Variants in FBXL7 observed in about 807,000 individuals in gnomAD.
FBXL7 encodes the protein F-box and leucine rich repeat protein 7, also known as F-box/LRR-repeat protein 7.
A neutral mutation model predicts 38.3 loss-of-function variants in FBXL7; 12 were observed. The observed-to-expected ratio is 0.31, with a 90% CI of 0.20 to 0.51. The LOEUF (loss-of-function observed/expected upper bound fraction) is 0.51. FBXL7 is among the 20% of genes least tolerant of loss of function. The pLI, the probability that FBXL7 is intolerant of heterozygous loss-of-function variation, is 0.98. For missense variants in FBXL7, 567 were observed against 676.4 expected (o/e 0.84, Z 1.79); for synonymous variants, 297 against 300.9 (o/e 0.99, Z 0.13).
chr5:15,517,386 C>T (rs1736972328), intron 1 of FBXL7, among the ~76,000 whole-genome samples: 1 of 152,134 alleles, frequency 6.6e-6, no homozygotes, highest in African/African-American at 2.4e-5. Flanking sequence ...CCAGCCTGGC[C>T]GTGGTGAGCT....
In FBXL7 at chr5:15,880,721, T is replaced by TTATATATA. The variant is rs3034531; in HGVS notation, c.128-47158_128-47151dup. On this transcript the variant is annotated intron_variant, in intron 2 of 3. Transcript: ENST00000504595. Reference sequence around the variant, plus strand: ...TAGTATATATAATATATATACTATATTATATATATATATATATAAAGTAAT... The same window carrying TTATATATA: ...TAGTATATATAATATATATACTATATTATATATATATATATATATATATATAAAGTAAT... Among the ~76,000 whole-genome samples the TTATATATA allele has an allele frequency of 4.7e-3, 679 of 143,338 alleles. 4 individuals are homozygous for TTATATATA. The highest frequency in any genetic ancestry group is 0.012 in the African/African-American group (468 of 39,318). The allele number at this position is 143,338 out of a possible 152,430, so 94.0% of individuals were successfully genotyped here.
chr5:15,896,586 A>G (rs1741109511), intron 2 of FBXL7, among the ~76,000 whole-genome samples: 1 of 152,110 alleles, frequency 6.6e-6, no homozygotes, highest in Admixed American at 6.5e-5. Flanking sequence ...CAGGCCTAGG[A>G]GAATAACTCC....
chr5:15,542,575 T>C (rs1737785991), intron 1 of FBXL7, among the ~76,000 whole-genome samples: 1 of 152,340 alleles, frequency 6.6e-6, no homozygotes, highest in Non-Finnish European at 1.5e-5. Context: ...CAAGTATAAC[T>C]GTCATTATTC....
At chr5:15,717,105 A>C (rs1482973906) in intron 2 of FBXL7, among the ~76,000 whole-genome samples, 3 of 152,216 alleles carry the variant, frequency 2.0e-5, no homozygotes, top group Non-Finnish European at 4.4e-5. Context: ...TATTATCTTC[A>C]AAGACTTACA....
rs1373460711 is a variant in FBXL7, at chr5:15,928,157, A to G, written c.395A>G (p.Asn132Ser). The G allele has an allele frequency of 1.2e-6, 2 of 1,610,682 alleles. No homozygotes were observed. The highest frequency in any genetic ancestry group is 1.7e-6 in the Non-Finnish European group (2 of 1,178,960). The change falls in exon 3 of 4, where the codon AAC (asparagine) becomes AGC (serine). Residue 132 changes from asparagine to serine, a missense_variant. Asn to Ser is a conservative substitution (Grantham distance 46, BLOSUM62 1). Transcript: ENST00000504595. This position sits in a 1 kb window ranked among gnomAD's most constrained non-coding sequence, Gnocchi z 4.0. ...MVQIFSFLPT[N>S]QLCRCARVCR... ...CAGATCTTCTCCTTCCTGCCCACCA[A>G]CCAGCTGTGCCGCTGCGCGCGAGTG... is the stretch of plus-strand genomic sequence containing the variant.
chr5:15,890,762 C>G (rs1740869455), intron 2 of FBXL7, among the ~76,000 whole-genome samples: 1 of 152,242 alleles, frequency 6.6e-6, no homozygotes, highest in East Asian at 1.9e-4. Context: ...TAAGGCTCAT[C>G]TGAAAATGAA....
intron 2 of FBXL7, among the ~76,000 whole-genome samples, chr5:15,674,385 T>C (rs1458682867): frequency 6.6e-6 from 1 of 152,200 alleles, no homozygotes; most frequent in Non-Finnish European, 1.5e-5. Context: ...GACCTGACTA[T>C]TACTGATTGC....
chr5:15,766,208 C>T (rs1736587293), intron 2 of FBXL7, among the ~76,000 whole-genome samples: 1 of 152,188 alleles, frequency 6.6e-6, no homozygotes, highest in Non-Finnish European at 1.5e-5. Flanking sequence ...ACATCGGCCT[C>T]CTAGCCTTCC....
intron 2 of FBXL7, among the ~76,000 whole-genome samples, chr5:15,915,784 G>A (rs1466547952): frequency 6.6e-6 from 1 of 152,152 alleles, no homozygotes; most frequent in Non-Finnish European, 1.5e-5. Flanking sequence ...AAGGTGAAGG[G>A]TGGGAAGGAA....
chr5:15,810,021 G>A (rs760219440), intron 2 of FBXL7, among the ~76,000 whole-genome samples: 1 of 152,116 alleles, frequency 6.6e-6, no homozygotes, highest in Non-Finnish European at 1.5e-5. Flanking sequence ...ATTTCAGCAA[G>A]TATAACTCTA....
intron 1 of FBXL7, among the ~76,000 whole-genome samples, chr5:15,569,362 G>A (rs1239056886): frequency 6.7e-6 from 1 of 150,348 alleles, no homozygotes; most frequent in Non-Finnish European, 1.5e-5. Context: ...ATTGTGAATG[G>A]GAGTTCACTC....
chr5:15,846,379 A>G (rs1202064189), intron 2 of FBXL7, among the ~76,000 whole-genome samples: 1 of 152,256 alleles, frequency 6.6e-6, no homozygotes, highest in Non-Finnish European at 1.5e-5. Context: ...TGAAAGAAAT[A>G]TAAGTCACAA....
At chr5:15,881,310 A>C (rs1740442150) in intron 2 of FBXL7, among the ~76,000 whole-genome samples, 1 of 152,212 alleles carries the variant, frequency 6.6e-6, no homozygotes, top group Non-Finnish European at 1.5e-5. Context: ...CTTCACTTAG[A>C]ATAATAGGCT....
intron 1 of FBXL7, among the ~76,000 whole-genome samples, chr5:15,540,623 G>A (rs1295831243): frequency 6.6e-6 from 1 of 152,152 alleles, no homozygotes; most frequent in Non-Finnish European, 1.5e-5. Flanking sequence ...ACCATACCCT[G>A]GGTGGCTTAT....
intron 2 of FBXL7, among the ~76,000 whole-genome samples, chr5:15,927,643 C>T (rs1741911143): frequency 6.6e-6 from 1 of 151,588 alleles, no homozygotes; most frequent in African/African-American, 2.4e-5. Context: ...GCCGTGGTGG[C>T]GCATGCCTGT....
At chr5:15,655,424 G>T (rs1030192728) in intron 2 of FBXL7, among the ~76,000 whole-genome samples, 1 of 151,498 alleles carries the variant, frequency 6.6e-6, no homozygotes, top group Admixed American at 6.6e-5. Context: ...AACCCAGGAG[G>T]TTGAGGTTGC....
At chr5:15,617,752 T>C (rs1740503040) in intron 2 of FBXL7, among the ~76,000 whole-genome samples, 1 of 152,184 alleles carries the variant, frequency 6.6e-6, no homozygotes, top group Non-Finnish European at 1.5e-5. Context: ...CATTTACTTT[T>C]GAAGCTTTCA....
At chr5:15,652,399 T>G (rs1031795629) in intron 2 of FBXL7, among the ~76,000 whole-genome samples, 1 of 152,272 alleles carries the variant, frequency 6.6e-6, no homozygotes, top group South Asian at 2.1e-4. Context: ...CCCGAGTAGC[T>G]GGGACTACAG....
chr5:15,636,674 T>C (rs904350419), intron 2 of FBXL7, among the ~76,000 whole-genome samples: 79 of 138,036 alleles, frequency 5.7e-4, no homozygotes, highest in Non-Finnish European at 3.9e-4. Flanking sequence ...GTAGAAGGGC[T>C]AAAACCTTTT....
Sources: allele counts gnomAD v4.1 joint callset (sites outside exome capture counted in the v4.1 genomes callset), GRCh38; gene constraint gnomAD v4.1.1; non-coding constraint Gnocchi (gnomAD v3.1); transcripts MANE v1.5; gene names NCBI Gene and HGNC (gene_info 2026-07-23, HGNC 2026-07-21).